Variants in FN1 observed in about 807,000 individuals in gnomAD.
FN1 encodes the protein fibronectin 1.
A neutral mutation model predicts 297.3 loss-of-function variants in FN1; 106 were observed. The ratio of observed to expected loss-of-function variants is 0.36; its 90% CI spans 0.30 to 0.42. The LOEUF is 0.42. FN1 is among the 10% of genes least tolerant of loss of function. FN1 has a pLI of 1.00. For missense variants in FN1, 2,690 were observed against 3,124.9 expected, an observed-to-expected ratio of 0.86 and a Z score of 3.32; for synonymous variants, 1,149 against 1,152.6, an observed-to-expected ratio of 1.00 and a Z score of 0.06.
intron 13 of FN1, among the ~76,000 whole-genome samples, chr2:215,411,506 T>A (rs989609259): frequency 4.6e-5 from 7 of 152,130 alleles, no homozygotes; most frequent in Non-Finnish European, 1.0e-4. Flanking sequence ...TTAGTAATCA[T>A]TTTTCAACAT....
intron 24 of FN1, among the ~76,000 whole-genome samples, chr2:215,393,931 C>G (rs977305739): frequency 1.3e-5 from 2 of 151,950 alleles, no homozygotes; most frequent in African/African-American, 4.8e-5. Context: ...ACAAGCCTAT[C>G]CTTAGACAGG....
At position 215,407,208 on chromosome 2, in the gene FN1, T is replaced by G. The variant is rs748525241; in HGVS notation, c.2632A>C (p.Ile878Leu). 6 of 1,614,044 alleles carry G rather than the reference T, an allele frequency of 3.7e-6. No individual in the cohort carries two copies. The highest frequency in any genetic ancestry group is 5.1e-6 in the Non-Finnish European group (6 of 1,179,894). ...TTTTCTTCCACAGCATAGATAGTGA[T>G]GTTATACTGAACACCAGGTTGCAAG... ...SDLQPGVQYNITIYAVEENQE... is the reference protein window; with the variant it reads ...SDLQPGVQYNLTIYAVEENQE... Residue 878 changes from isoleucine to leucine, a missense_variant, in exon 18 of 46, where the codon ATC (isoleucine) becomes CTC (leucine). Physicochemically the swap from Ile to Leu is conservative, Grantham distance 5. Around this residue, in one of 3 missense-constraint regions of FN1, gnomAD observed 71 missense variants for 121.7 expected, o/e 0.58. Transcript: ENST00000354785.
chr2:215,418,424 G>A (rs2106380486), intron 12 of FN1, among the ~76,000 whole-genome samples: 2 of 152,272 alleles, frequency 1.3e-5, no homozygotes, highest in Admixed American at 1.3e-4. Flanking sequence ...TCTGTCGCAT[G>A]CAGATTCTGA....
chr2:215,395,212 A>G (rs746741585), intron 23 of FN1, among the ~76,000 whole-genome samples: 2 of 152,186 alleles, frequency 1.3e-5, no homozygotes, highest in Non-Finnish European at 2.9e-5. Context: ...GTCTGAAACT[A>G]TGGGATTTAT....
At chr2:215,392,521 T>G in intron 25 of FN1, 1 of 253,766 alleles carries the variant, frequency 3.9e-6, no homozygotes, top group East Asian at 1.0e-4. Flanking sequence ...TGGTAGAGTT[T>G]ATCAAAGGGT....
chr2:215,382,242 T>A lies in FN1; in HGVS notation c.5134A>T (p.Ser1712Cys), dbSNP rs754470360. 2 of 1,613,658 alleles carry A rather than the reference T, an allele frequency of 1.2e-6. No homozygotes were observed. The highest frequency in any genetic ancestry group is 1.7e-6 in the Non-Finnish European group (2 of 1,179,580). The change falls in exon 32 of 46, where the codon AGT (serine) becomes TGT (cysteine). Residue 1712 changes from serine (S) to cysteine (C), a missense_variant. Transcript: ENST00000354785. Reference sequence around the variant, plus strand: ...ACTGCAGTCTGAACCAGAGGCTGACTCTCTCCGCTTGGATTCTGAGCATAG... The same window carrying A: ...ACTGCAGTCTGAACCAGAGGCTGACACTCTCCGCTTGGATTCTGAGCATAG... ...SVYAQNPSGE[S>C]QPLVQTAVTN...
chr2:215,371,433 A>G, intron 40 of FN1, among the ~76,000 whole-genome samples: 1 of 150,538 alleles, frequency 6.6e-6, no homozygotes, highest in Non-Finnish European at 1.5e-5. Flanking sequence ...GTAGTGTTTT[A>G]GACTTCTGCA....
In FN1 at chr2:215,381,057, C is replaced by G; in HGVS notation, c.5188G>C (p.Ala1730Pro). The part of the protein sequence containing the change: ...VTNIDRPKGL[A>P]FTDVDVDSIK... ...GAATCGACATCCACATCAGTGAATG[C>G]CAGTCCTTTAGGGCGATCAATGTCT... Residue 1730 changes from alanine (A) to proline (P), a missense_variant, in exon 33 of 46, where the codon GCA becomes CCA. Coordinates refer to ENST00000354785, the MANE Select transcript of FN1 (RefSeq NM_212482.4). 1 of 1,614,090 alleles carries G rather than the reference C, an allele frequency of 6.2e-7. No homozygotes were observed. Among genetic ancestry groups the G allele is most frequent in the Non-Finnish European group, 8.5e-7 (1 of 1,179,930 alleles).
rs764004574 is a variant in FN1, at chr2:215,381,072, G to T, written c.5173C>A (p.Arg1725Ser). ...TCAGTGAATGCCAGTCCTTTAGGGC[G>T]ATCAATGTCTGTTAGGCAAATTAAT... ...LVQTAVTNID[R>S]PKGLAFTDVD... Residue 1725 changes from arginine to serine, a missense_variant, in exon 33 of 46, where the codon CGC becomes AGC. Arg to Ser is a moderately radical substitution (Grantham distance 110). This residue lies in a region of FN1 where 1,743 missense variants were observed against 1,945.2 expected (regional missense o/e 0.90). Transcript: ENST00000354785. 15 of 1,614,096 alleles carry T rather than the reference G, an allele frequency of 9.3e-6. No homozygotes were observed. The highest frequency in any genetic ancestry group is 1.1e-5 in the Non-Finnish European group (13 of 1,179,938).
intron 9 of FN1, 75 bp from the exon 10 acceptor site, chr2:215,422,318 A>G (rs1266664249): frequency 2.1e-6 from 3 of 1,418,402 alleles, no homozygotes; most frequent in African/African-American, 1.4e-5. Flanking sequence ...CAAAAGGATC[A>G]GTTCAGTTTG....
rs113029097 is a variant in FN1 at position 215,371,079 on chromosome 2, C to T, written c.6715-647G>A. ...GGTCAGGAGATCGAGACCATCCTGG[C>T]CAACATCGTGAAACCCCGTCTCTAC... On this transcript the variant is annotated intron_variant, in intron 40 of 45. Transcript: ENST00000354785. 8.5e-3 allele frequency among the ~76,000 whole-genome samples: 1,296 copies of T among 151,968 alleles called. 8 individuals are homozygous for T. Among genetic ancestry groups the T allele is most frequent in the Middle Eastern group, 0.024 (7 of 294 alleles).
chr2:215,423,230 G>T, intron 9 of FN1, 120 bp downstream of exon 9: 1 of 965,050 alleles, frequency 1.0e-6, no homozygotes, highest in Non-Finnish European at 1.6e-6. Flanking sequence ...TTCACATGAA[G>T]TTTTCTGTTG....
intron 19 of FN1, among the ~76,000 whole-genome samples, chr2:215,405,687 G>A (rs905120248): frequency 2.6e-5 from 4 of 152,150 alleles, no homozygotes; most frequent in African/African-American, 9.7e-5. Context: ...AGGTTCCAGT[G>A]AGCTGAGATG....
In FN1 at chr2:215,381,391, G is replaced by A. The variant is rs1357136960; in HGVS notation, c.5165-311C>T. ...CACGATTTGATTTTTACAATGTGAT[G>A]TTAGTCTCATAGACCTGGATTTTCT... On this transcript the variant is annotated intron_variant, in intron 32 of 45. Coordinates refer to ENST00000354785, the MANE Select transcript of FN1 (RefSeq NM_212482.4). 20 of 414,010 alleles carry A rather than the reference G, an allele frequency of 4.8e-5. No homozygotes were observed. The East Asian group carries it at 1.0e-3, about 21-fold the overall frequency. The allele number at this position is 414,010 out of a possible 1,614,324, so 25.6% of individuals were successfully genotyped here.
intron 41 of FN1, 144 bp from the exon 42 acceptor site, chr2:215,368,171 A>G: frequency 2.2e-6 from 2 of 913,636 alleles, no homozygotes; most frequent in Non-Finnish European, 3.4e-6. Flanking sequence ...CTGTTCTATC[A>G]AGGCATTAAC....
chr2:215,376,772 C>A, intron 35 of FN1, 98 bp from the exon 36 acceptor site: 1 of 1,042,332 alleles, frequency 9.6e-7, no homozygotes, highest in Admixed American at 2.0e-5. Context: ...CAAATTCATC[C>A]ATTTCAAGAA....
In FN1 at chr2:215,435,789, G is replaced by C. The variant is rs754369776; in HGVS notation, c.14C>G (p.Pro5Arg). Residue 5 changes from proline to arginine, a missense_variant, in exon 1 of 46, where the codon CCG becomes CGG. Coordinates refer to ENST00000354785, the MANE Select transcript of FN1 (RefSeq NM_212482.4). The part of the protein sequence containing the change: MLRG[P>R]GPGLLLLAVQ... ...GGCCAGCAGCAGCAGCCCGGGCCCC[G>C]GACCCCTAAGCATGTTGAGACGGTG... is the stretch of plus-strand genomic sequence containing the variant. 21 of 1,563,094 alleles carry C rather than the reference G, an allele frequency of 1.3e-5. No individual in the cohort carries two copies. The highest frequency in any genetic ancestry group is 6.9e-6 in the Non-Finnish European group (8 of 1,157,268).
intron 26 of FN1, among the ~76,000 whole-genome samples, chr2:215,388,961 G>T (rs2059371905): frequency 6.6e-6 from 1 of 152,082 alleles, no homozygotes; most frequent in Admixed American, 6.6e-5. Context: ...CCCAGGCCAG[G>T]ACTAGTGGTC....
intron 21 of FN1, 118 bp from the exon 22 acceptor site, chr2:215,397,966 C>T: frequency 1.1e-6 from 1 of 887,876 alleles, no homozygotes; most frequent in Non-Finnish European, 1.8e-6. Flanking sequence ...GCACAGTGTA[C>T]TTTTATTGGG....
Sources: gnomAD v4.1 joint callset for allele counts (sites outside exome capture counted in the v4.1 genomes callset) on GRCh38, gnomAD v4.1.1 for gene constraint, gnomAD v4.1.1 regional missense constraint, MANE v1.5 for transcripts, NCBI Gene and HGNC (gene_info 2026-07-23, HGNC 2026-07-21) for gene names.